ZMIZ1: variants seen among roughly 807,000 people sequenced by gnomAD.
ZMIZ1 encodes the protein zinc finger MIZ-type containing 1.
Under a neutral mutation model 113.9 loss-of-function variants are expected in ZMIZ1, and 17 were observed. The ratio of observed to expected loss-of-function variants is 0.15; its 90% CI spans 0.10 to 0.22. The LOEUF is 0.22. Among genes scored for constraint, ZMIZ1 ranks in the 10% least tolerant of loss-of-function variants. The pLI is 1.00. For missense variants in ZMIZ1, 1,059 were observed against 1,477.8 expected (o/e 0.72, Z 4.65); for synonymous variants, 607 against 603.1 (o/e 1.01, Z -0.09).
rs116097886 is a variant in ZMIZ1 at position 79,296,396 on chromosome 10, G to A, written c.1231-75G>A. On this transcript the variant is annotated intron_variant, in intron 12 of 24. Transcript: ENST00000334512. This position sits in a 1 kb window ranked among gnomAD's most constrained non-coding sequence, Gnocchi z 4.1. Reference sequence around the variant, plus strand: ...AATGAGGAGAGGCGGGCCCCATCCCGTTGTTCAGGTGACCTGGCTATGTGA... The same window carrying A: ...AATGAGGAGAGGCGGGCCCCATCCCATTGTTCAGGTGACCTGGCTATGTGA... The A allele has an allele frequency of 1.6e-5, 24 of 1,530,828 alleles. No homozygotes were observed. Among genetic ancestry groups the A allele is most frequent in the African/African-American group, 1.5e-4 (11 of 73,318 alleles). 94.8% of individuals were successfully genotyped at this position (1,530,828 alleles called of 1,614,324 possible).
At chr10:79,133,892 TCAGCTGCC>T (rs1844879507) in intron 2 of ZMIZ1, among the ~76,000 whole-genome samples, 1 of 152,234 alleles carries the variant, frequency 6.6e-6, no homozygotes, top group African/African-American at 2.4e-5. Flanking sequence ...ACCGAATCCA[TCAGCTGCC>T]TAATTACCAT....
intron 7 of ZMIZ1, among the ~76,000 whole-genome samples, chr10:79,242,353 C>A (rs1262007902): frequency 6.6e-6 from 1 of 151,978 alleles, no homozygotes; most frequent in Non-Finnish European, 1.5e-5. Context: ...AGGAACTCCC[C>A]GAAGTCGGGG....
chr10:79,295,975 C>T (rs1369195456), intron 12 of ZMIZ1: 1 of 161,090 alleles, frequency 6.2e-6, no homozygotes, highest in Non-Finnish European at 1.4e-5. Flanking sequence ...CAGAACTGAA[C>T]ACTAGGTGTG....
At position 79,151,474 on chromosome 10, in the gene ZMIZ1, G is replaced by C. The variant is rs192730081; in HGVS notation, c.-130-10579G>C. Among the ~76,000 whole-genome samples the C allele has an allele frequency of 5.3e-3, 813 of 152,320 alleles. 15 individuals are homozygous for C. The highest frequency in any genetic ancestry group is 2.2e-3 in the Non-Finnish European group (147 of 68,028). ...GAGTTCATGGGGAGAGGAACCGGCA[G>C]CAGAGAAGCCTGGCACACTCATCCG... On this transcript the variant is annotated intron_variant, in intron 3 of 24. Coordinates refer to ENST00000334512, the MANE Select transcript of ZMIZ1 (RefSeq NM_020338.4).
rs867692481 is a variant in ZMIZ1, at chr10:79,173,521, G to A, written c.-50+11388G>A. Among the ~76,000 whole-genome samples, 9 of 152,118 alleles carry A rather than the reference G, an allele frequency of 5.9e-5. No individual in the cohort carries two copies. The East Asian group carries it at 7.7e-4, about 13-fold the overall frequency. On this transcript the variant is annotated intron_variant, in intron 4 of 24. Transcript: ENST00000334512. ...GACAGTGGGGCGGGGAGCAGGGGGC[G>A]GGGTGGCTTCTCCAGGAGTGTAATG...
intron 2 of ZMIZ1, among the ~76,000 whole-genome samples, chr10:79,134,512 C>T (rs1027425972): frequency 6.6e-6 from 1 of 152,208 alleles, no homozygotes; most frequent in African/African-American, 2.4e-5. Context: ...AAACTGAACC[C>T]TCTGTGTACC....
intron 4 of ZMIZ1, among the ~76,000 whole-genome samples, chr10:79,172,456 A>G (rs1052181524): frequency 6.6e-6 from 1 of 152,220 alleles, no homozygotes; most frequent in African/African-American, 2.4e-5. Context: ...TAATGACAAC[A>G]GTGTCAGCAG....
chr10:79,237,498 C>T (rs527320787), intron 7 of ZMIZ1, among the ~76,000 whole-genome samples: 7 of 152,280 alleles, frequency 4.6e-5, no homozygotes, highest in Non-Finnish European at 8.8e-5. Flanking sequence ...GGCCAAGGTC[C>T]CTCAGAAGGC....
At chr10:79,297,792 C>T in intron 14 of ZMIZ1, 102 bp downstream of exon 14, 1 of 1,041,566 alleles carries the variant, frequency 9.6e-7, no homozygotes, top group Non-Finnish European at 1.5e-6. Context: ...TCAAAGGGGC[C>T]CATGGGTGGG....
chr10:79,272,211 G>A (rs1187189872), intron 7 of ZMIZ1, among the ~76,000 whole-genome samples: 2 of 151,924 alleles, frequency 1.3e-5, no homozygotes, highest in South Asian at 2.1e-4. Context: ...GCTTGAATCC[G>A]GGAGGCAGAT....
At chr10:79,249,497 G>A (rs1012449560) in intron 7 of ZMIZ1, among the ~76,000 whole-genome samples, 1 of 152,240 alleles carries the variant, frequency 6.6e-6, no homozygotes, top group Non-Finnish European at 1.5e-5. Flanking sequence ...TGGCTCCCCA[G>A]CTTGTCTGTG....
chr10:79,240,628 G>A (rs116514397), intron 7 of ZMIZ1, among the ~76,000 whole-genome samples: 2,302 of 122,388 alleles, frequency 0.019, 72 homozygotes, highest in African/African-American at 0.073. Context: ...ATCTAGTGAA[G>A]AGTATTTATC....
intron 16 of ZMIZ1, among the ~76,000 whole-genome samples, 194 bp downstream of exon 16, chr10:79,299,385 T>A (rs1171386003): frequency 6.6e-6 from 1 of 152,184 alleles, no homozygotes; most frequent in Non-Finnish European, 1.5e-5. Flanking sequence ...AGATGAGCAG[T>A]CAAGGTGTCG....
At chr10:79,262,208 C>T (rs957525223) in intron 7 of ZMIZ1, among the ~76,000 whole-genome samples, 6 of 152,260 alleles carry the variant, frequency 3.9e-5, no homozygotes, top group African/African-American at 1.4e-4. Flanking sequence ...AGCAGTGGTT[C>T]TCAAAGTGGG....
chr10:79,170,508 C>T (rs1472920743), intron 4 of ZMIZ1, among the ~76,000 whole-genome samples: 1 of 152,212 alleles, frequency 6.6e-6, no homozygotes, highest in East Asian at 1.9e-4. Context: ...ATTCCCTTGC[C>T]TTCCAGGAGG....
At chr10:79,245,233 C>G (rs979010247) in intron 7 of ZMIZ1, among the ~76,000 whole-genome samples, 4 of 152,188 alleles carry the variant, frequency 2.6e-5, no homozygotes, top group Non-Finnish European at 4.4e-5. Context: ...CCTCTTGATT[C>G]TCATCACAGC....
At chr10:79,290,804 A>G (rs1159834421) in intron 9 of ZMIZ1, 155 bp from the exon 10 acceptor site, 12 of 857,152 alleles carry the variant, frequency 1.4e-5, no homozygotes, top group East Asian at 5.3e-5. Flanking sequence ...TCACCGGTAC[A>G]CTCAGAATAG....
intron 3 of ZMIZ1, among the ~76,000 whole-genome samples, chr10:79,157,365 A>AGG (rs1300753542): frequency 4.5e-5 from 4 of 89,322 alleles, no homozygotes; most frequent in Admixed American, 1.1e-4. Context: ...TGCAGGCATA[A>AGG]GGGGTGTGTG....
chr10:79,204,827 A>G (rs936466510), intron 5 of ZMIZ1, among the ~76,000 whole-genome samples: 1 of 152,114 alleles, frequency 6.6e-6, no homozygotes, highest in Non-Finnish European at 1.5e-5. Flanking sequence ...GAATGAACAG[A>G]TAGGTGGGTG....
Sources: allele counts gnomAD v4.1 joint callset (sites outside exome capture counted in the v4.1 genomes callset), GRCh38; gene constraint gnomAD v4.1.1; non-coding constraint Gnocchi (gnomAD v3.1); transcripts MANE v1.5; gene names NCBI Gene and HGNC (gene_info 2026-07-23, HGNC 2026-07-21).